PKHD1: variants seen among roughly 807,000 people sequenced by gnomAD.
PKHD1 encodes fibrocystin.
PKHD1 carries 291 observed loss-of-function variants against 412.0 expected under a neutral mutation model. That is an observed-to-expected ratio of 0.71 (90% CI 0.64 to 0.78). The LOEUF (loss-of-function observed/expected upper bound fraction) is 0.78. PKHD1 is among the 30% of genes least tolerant of loss of function. The pLI, the probability that PKHD1 is intolerant of heterozygous loss-of-function variation, is 0.00. For missense variants in PKHD1, 4,825 were observed against 4,950.7 expected, an observed-to-expected ratio of 0.97 and a Z score of 0.76; for synonymous variants, 1,777 against 1,821.5, an observed-to-expected ratio of 0.98 and a Z score of 0.62.
chr6:51,775,141 C>T (rs1399924271), intron 54 of PKHD1, among the ~76,000 whole-genome samples: 3 of 151,298 alleles, frequency 2.0e-5, no homozygotes, highest in Non-Finnish European at 4.4e-5. Flanking sequence ...GAACTTATTT[C>T]AACTATTATA....
At chr6:51,880,675 G>A (rs1223492966) in intron 46 of PKHD1, among the ~76,000 whole-genome samples, 1 of 37,188 alleles carries the variant, frequency 2.7e-5, no homozygotes, top group Admixed American at 4.7e-4. Flanking sequence ...TAGATGACAC[G>A]TTAGTGGGTG....
chr6:51,616,375 T>C lies in PKHD1; in HGVS notation c.*2706A>G, dbSNP rs1026095427. On this transcript the variant is annotated 3_prime_UTR_variant, in exon 67 of 67. Coordinates refer to ENST00000371117, the MANE Select transcript of PKHD1 (RefSeq NM_138694.4). ...ATTTATTTAGATAAAGGGTGTAGAT[T>C]GTCACTGCTGGGAAATATTTGCTGG... 3.6e-6 allele frequency: 1 copy of C among 279,716 alleles called. No individual in the cohort carries two copies. The highest frequency in any genetic ancestry group is 6.5e-6 in the Non-Finnish European group (1 of 153,814). 17.3% of individuals were successfully genotyped at this position (279,716 alleles called of 1,614,324 possible).
intron 37 of PKHD1, among the ~76,000 whole-genome samples, chr6:51,918,182 CAT>C (rs3062528): frequency 5.3e-5 from 8 of 150,620 alleles, no homozygotes; most frequent in South Asian, 2.1e-4. Context: ...CAAATATATA[CAT>C]ATATATATTC....
At chr6:51,964,544 T>G (rs535791153) in intron 35 of PKHD1, among the ~76,000 whole-genome samples, 16 of 152,244 alleles carry the variant, frequency 1.1e-4, no homozygotes, top group Admixed American at 7.2e-4. Flanking sequence ...CCTAATAGAA[T>G]GTAAGCTTCA....
At chr6:51,641,763 A>G (rs1171693738) in intron 63 of PKHD1, among the ~76,000 whole-genome samples, 2 of 152,192 alleles carry the variant, frequency 1.3e-5, no homozygotes, top group Non-Finnish European at 2.9e-5. Flanking sequence ...GAAGCTGGAA[A>G]CCATCATTCT....
intron 35 of PKHD1, among the ~76,000 whole-genome samples, chr6:51,996,595 T>C (rs1797743653): frequency 6.6e-6 from 1 of 152,198 alleles, no homozygotes; most frequent in South Asian, 2.1e-4. Flanking sequence ...TCATTATGCT[T>C]TCTCATTTGG....
Position 51,969,306 on chromosome 6 carries a change from C to A in PKHD1, c.5752-9280G>T, listed in dbSNP as rs974305224. 2.0e-5 allele frequency among the ~76,000 whole-genome samples: 3 copies of A among 152,166 alleles called. 1 individual carries two copies. The highest frequency in any genetic ancestry group is 4.8e-5 in the African/African-American group (2 of 41,438). On this transcript the variant is annotated intron_variant, in intron 35 of 66. Transcript: ENST00000371117. ...CAACCTGAATGAACTTGGAGGTAGA[C>A]CTTGAATTCCAGATGAGAATGTAGC... is the stretch of plus-strand genomic sequence containing the variant.
At chr6:52,054,730 T>A (rs1296537623) in intron 19 of PKHD1, among the ~76,000 whole-genome samples, 1 of 152,196 alleles carries the variant, frequency 6.6e-6, no homozygotes, top group Non-Finnish European at 1.5e-5. Context: ...TTCCCTGGCC[T>A]CCACCCACCA....
At chr6:51,981,311 CTCTCCCTCTCCCTCTCCCTCT>C (rs1795140330) in intron 35 of PKHD1, among the ~76,000 whole-genome samples, 2 of 14,960 alleles carry the variant, frequency 1.3e-4, no homozygotes, top group Admixed American at 7.4e-4. Context: ...AAAGCTCAAG[CTCTCCCTCTCCCTCTCCCTCT>C]CCCTCTCCCT....
At chr6:51,772,487 C>T (rs552167860) in intron 55 of PKHD1, among the ~76,000 whole-genome samples, 1 of 151,880 alleles carries the variant, frequency 6.6e-6, no homozygotes, top group Admixed American at 6.6e-5. Context: ...CTGAAATAAA[C>T]TGTGTTCCTC....
At chr6:51,852,228 T>C (rs907480294) in intron 49 of PKHD1, among the ~76,000 whole-genome samples, 1 of 152,224 alleles carries the variant, frequency 6.6e-6, no homozygotes, top group Non-Finnish European at 1.5e-5. Context: ...AGTTTCTTAA[T>C]CCTGAGTTAT....
intron 60 of PKHD1, among the ~76,000 whole-genome samples, chr6:51,707,405 G>C (rs1018546842): frequency 2.6e-5 from 4 of 152,036 alleles, no homozygotes; most frequent in African/African-American, 7.2e-5. Flanking sequence ...TGGCCTCATT[G>C]GCAAACTCAA....
Position 52,055,686 on chromosome 6 carries a change from C to T in PKHD1, c.1737G>A (p.Thr579=), listed in dbSNP as rs765871629. 4.5e-5 allele frequency: 73 copies of T among 1,613,794 alleles called. No individual in the cohort carries two copies. Among genetic ancestry groups the T allele is most frequent in the Non-Finnish European group, 5.9e-5 (70 of 1,179,836 alleles). ...SNSDGDLTSG[T]EPFCGRFSLR... ...GGCTGAACCTGCCACAGAAGGGCTC[C>T]GTCCCACTGGTGAGGTCCCCATCAG... The change falls in exon 19 of 67, where the codon ACG becomes ACA. Residue 579 remains threonine, a synonymous_variant. Transcript: ENST00000371117.
rs569635222 is a variant in PKHD1, at chr6:51,903,741, A to G, written c.6866-14T>C. 28 of 1,605,298 alleles carry G rather than the reference A, an allele frequency of 1.7e-5. No individual in the cohort carries two copies. The highest frequency in any genetic ancestry group is 2.2e-5 in the Non-Finnish European group (26 of 1,173,664). On this transcript the variant is annotated splice_polypyrimidine_tract_variant and intron_variant, in intron 42 of 66. Transcript: ENST00000371117. ...GTCCTGACCAGTCTAATGTTTCAAC[A>G]AATCCAGGGGATCCACAAACATAAT... is the stretch of plus-strand genomic sequence containing the variant.
intron 37 of PKHD1, among the ~76,000 whole-genome samples, chr6:51,924,831 T>A (rs1168732980): frequency 6.6e-6 from 1 of 151,956 alleles, no homozygotes; most frequent in Non-Finnish European, 1.5e-5. Flanking sequence ...ATGGGACAAC[T>A]TCACCAAATC....
intron 37 of PKHD1, among the ~76,000 whole-genome samples, chr6:51,925,389 G>A (rs1275140008): frequency 1.3e-5 from 2 of 151,998 alleles, no homozygotes; most frequent in African/African-American, 4.8e-5. Context: ...GCATCAACTT[G>A]ACTGGGCTAT....
chr6:52,013,894 T>G (rs1800116393), intron 34 of PKHD1, among the ~76,000 whole-genome samples: 1 of 152,184 alleles, frequency 6.6e-6, no homozygotes. Context: ...CTGAAGTTGC[T>G]TCCTGTGGCT....
intron 52 of PKHD1, among the ~76,000 whole-genome samples, chr6:51,803,977 G>A (rs997189531): frequency 4.0e-5 from 6 of 151,404 alleles, no homozygotes; most frequent in Non-Finnish European, 8.8e-5. Context: ...CAAAGTGCTG[G>A]GATTACAGGT....
intron 16 of PKHD1, among the ~76,000 whole-genome samples, chr6:52,057,283 A>AG (rs1807905603): frequency 6.6e-6 from 1 of 152,166 alleles, no homozygotes; most frequent in African/African-American, 2.4e-5. Context: ...CTTTCTCCCA[A>AG]GGGTAGCCCA....
Sources: gnomAD v4.1 joint callset for allele counts (sites outside exome capture counted in the v4.1 genomes callset) on GRCh38, gnomAD v4.1.1 for gene constraint, MANE v1.5 for transcripts, NCBI Gene and HGNC (gene_info 2026-07-23, HGNC 2026-07-21) for gene names.